TASP1: variants seen among roughly 807,000 people sequenced by gnomAD.
The protein encoded by TASP1 is threonine aspartase 1.
TASP1 carries 16 observed loss-of-function variants against 56.6 expected under a neutral mutation model. The observed-to-expected ratio is 0.28, with a 90% CI of 0.19 to 0.43. The LOEUF (loss-of-function observed/expected upper bound fraction) is 0.43, where lower values mean the gene tolerates loss of function less well. Among genes scored for constraint, TASP1 ranks in the 20% least tolerant of loss-of-function variants. The probability of loss-of-function intolerance (pLI) is 1.00; values close to 1 mark genes in which losing one functional copy is unlikely to be tolerated. For synonymous variants in TASP1, 179 were observed against 184.2 expected (o/e 0.97, Z 0.23); for missense variants, 393 against 511.6 (o/e 0.77, Z 2.24).
chr20:13,391,463 C>T (rs2041273888), intron 13 of TASP1, among the ~76,000 whole-genome samples: 1 of 152,134 alleles, frequency 6.6e-6, no homozygotes. Context: ...TTCACGCAAT[C>T]CTCTCTACTT....
At chr20:13,579,462 G>A (rs926494177) in intron 6 of TASP1, among the ~76,000 whole-genome samples, 5 of 151,804 alleles carry the variant, frequency 3.3e-5, no homozygotes, top group African/African-American at 1.2e-4. Context: ...TCCGCCTCCT[G>A]GGTTCACACC....
At chr20:13,276,193 C>A in the TASP1 span, among the ~76,000 whole-genome samples, 1 of 152,178 alleles carries the variant, frequency 6.6e-6, no homozygotes, top group East Asian at 1.9e-4. Flanking sequence ...TGGAAAATAC[C>A]TGCCCACTCC....
the TASP1 span, among the ~76,000 whole-genome samples, chr20:13,366,889 C>G: frequency 2.6e-5 from 4 of 152,040 alleles, no homozygotes; most frequent in East Asian, 1.9e-4. Context: ...CACACACTCT[C>G]TCTCACACAC....
At chr20:13,535,040 T>C (rs988706204) in intron 8 of TASP1, among the ~76,000 whole-genome samples, 4 of 152,282 alleles carry the variant, frequency 2.6e-5, no homozygotes, top group East Asian at 1.9e-4. Context: ...AACCTTGCCC[T>C]ACAACCCTAG....
At chr20:13,298,873 G>A in the TASP1 span, 14 of 1,518,878 alleles carry the variant, frequency 9.2e-6, no homozygotes, top group African/African-American at 1.4e-5. Context: ...GGTGTCACAT[G>A]CTCCTTGAAG....
the TASP1 span, among the ~76,000 whole-genome samples, chr20:13,325,006 A>G: frequency 2.0e-5 from 3 of 152,218 alleles, no homozygotes; most frequent in South Asian, 2.1e-4. Context: ...CTGTTAGTGC[A>G]GCTATTTCTC....
the TASP1 span, among the ~76,000 whole-genome samples, chr20:13,169,395 C>T: frequency 2.0e-5 from 3 of 152,088 alleles, no homozygotes; most frequent in African/African-American, 7.2e-5. Flanking sequence ...CTGAGACCAC[C>T]TACAATGGTA....
intron 6 of TASP1, among the ~76,000 whole-genome samples, chr20:13,573,943 C>G (rs184163778): frequency 6.6e-6 from 1 of 152,054 alleles, no homozygotes; most frequent in Admixed American, 6.6e-5. Context: ...GTGACATAGT[C>G]GGGCATCCAG....
rs531304105 is a variant in TASP1, at chr20:13,624,463, A to G, written c.213+722T>C. Among the ~76,000 whole-genome samples the G allele has an allele frequency of 3.3e-5, 5 of 152,154 alleles. No homozygotes were observed. The South Asian group carries it at 8.3e-4, about 25-fold the overall frequency. ...ACTTCATTCATAAGAAAAAGCTTGA[A>G]TCTCTGATAAAGTATAATCTTCTTT... On this transcript the variant is annotated intron_variant, in intron 3 of 13. Coordinates refer to ENST00000337743, the MANE Select transcript of TASP1 (RefSeq NM_017714.3).
rs113706843 is a variant in TASP1, at chr20:13,615,791, C to T, written c.282+7655G>A. 8.5e-3 allele frequency among the ~76,000 whole-genome samples: 1,288 copies of T among 152,244 alleles called. 23 individuals carry two copies. Among genetic ancestry groups the T allele is most frequent in the African/African-American group, 0.029 (1,207 of 41,538 alleles). ...GTGCTGGGATTACAGGTGTGAGCAA[C>T]TGTGCCAGGCCGAGAATCTTAAAAA... On this transcript the variant is annotated intron_variant, in intron 4 of 13. Coordinates refer to ENST00000337743, the MANE Select transcript of TASP1 (RefSeq NM_017714.3).
the TASP1 span, among the ~76,000 whole-genome samples, chr20:13,295,346 C>G: frequency 3.3e-5 from 5 of 152,180 alleles, no homozygotes; most frequent in Admixed American, 3.3e-4. Flanking sequence ...CCCTAGTACC[C>G]GCTGAACCAG....
At chr20:13,176,944 G>A in the TASP1 span, among the ~76,000 whole-genome samples, 1 of 152,074 alleles carries the variant, frequency 6.6e-6, no homozygotes, top group African/African-American at 2.4e-5. Context: ...ACAAAACAAT[G>A]ATGAGAGAAA....
intron 13 of TASP1, among the ~76,000 whole-genome samples, chr20:13,408,836 C>T (rs2042008554): frequency 6.6e-6 from 1 of 151,942 alleles, no homozygotes. Context: ...CCTTTTCATT[C>T]TTGCTATTGG....
chr20:13,246,305 C>T, the TASP1 span, among the ~76,000 whole-genome samples: 4 of 151,438 alleles, frequency 2.6e-5, no homozygotes, highest in African/African-American at 9.7e-5. Context: ...TGTGAACTGT[C>T]GAGGTAGAAA....
rs368778120 is a variant in TASP1 at position 13,634,921 on chromosome 20, G to A, written c.-75+3973C>T. On this transcript the variant is annotated intron_variant, in intron 1 of 13. Coordinates refer to ENST00000337743, the MANE Select transcript of TASP1 (RefSeq NM_017714.3). ...CGCATGCCTGTAATCCCAGCTACTC[G>A]GAAGGCTGAGGCAGGAGAATCGCTT... Among the ~76,000 whole-genome samples, 13 of 152,138 alleles carry A rather than the reference G, an allele frequency of 8.5e-5. No homozygotes were observed. The East Asian group carries it at 1.4e-3, about 16-fold the overall frequency.
At chr20:13,362,115 G>A in the TASP1 span, among the ~76,000 whole-genome samples, 7 of 149,746 alleles carry the variant, frequency 4.7e-5, no homozygotes, top group African/African-American at 1.0e-4. Context: ...CCCTAATCCC[G>A]CTTGAAGCAG....
intron 11 of TASP1, among the ~76,000 whole-genome samples, chr20:13,468,720 C>T (rs529659300): frequency 2.0e-5 from 3 of 151,896 alleles, no homozygotes; most frequent in South Asian, 2.1e-4. Context: ...TTGAGTTTAC[C>T]GTAACTAATA....
the TASP1 span, among the ~76,000 whole-genome samples, chr20:13,303,372 A>G: frequency 6.6e-6 from 1 of 152,246 alleles, no homozygotes; most frequent in African/African-American, 2.4e-5. Flanking sequence ...TTGTGGTTCT[A>G]TAGCTGAGCC....
chr20:13,130,392 T>C, the TASP1 span, among the ~76,000 whole-genome samples: 1 of 151,934 alleles, frequency 6.6e-6, no homozygotes. Context: ...TTCAAGGCTT[T>C]GTTTCAGGTT....
Sources: gnomAD v4.1 joint callset for allele counts (sites outside exome capture counted in the v4.1 genomes callset) on GRCh38, gnomAD v4.1.1 for gene constraint, MANE v1.5 for transcripts, NCBI Gene and HGNC (gene_info 2026-07-23, HGNC 2026-07-21) for gene names.